The following STS variants were observed in gnomAD, a reference collection of about 807,000 sequenced individuals.
STS encodes steroid sulfatase.
A neutral mutation model predicts 26.8 loss-of-function variants in STS; 7 were observed. The observed-to-expected ratio is 0.26, with a 90% CI of 0.15 to 0.49. The LOEUF (loss-of-function observed/expected upper bound fraction) is 0.49. STS is among the 20% of genes least tolerant of loss of function. The pLI, the probability that STS is intolerant of heterozygous loss-of-function variation, is 0.98. For missense variants in STS, 434 were observed against 465.6 expected, an observed-to-expected ratio of 0.93 and a Z score of 0.63; for synonymous variants, 199 against 189.4, an observed-to-expected ratio of 1.05 and a Z score of -0.42.
chrX:7,223,834 A>G (rs1191781187), intron 2 of STS, among the ~76,000 whole-genome samples: 2 of 111,265 alleles, frequency 1.8e-5, no homozygotes, highest in East Asian at 5.6e-4. Context: ...CCAAGAGTGA[A>G]TTAGATATAT....
chrX:7,338,880 A>C (rs1316241118), intron 10 of STS, among the ~76,000 whole-genome samples: 2 of 111,654 alleles, frequency 1.8e-5, no homozygotes, highest in Admixed American at 1.9e-4. Flanking sequence ...ATATGCATCA[A>C]TAAAAAGTAA....
At chrX:7,229,078 G>A (rs1263382525) in intron 2 of STS, among the ~76,000 whole-genome samples, 1 of 112,384 alleles carries the variant, frequency 8.9e-6, no homozygotes, top group Non-Finnish European at 1.9e-5. Flanking sequence ...GGATATAGAT[G>A]AAATATCTAA....
At chrX:7,278,332 G>A (rs750097562) in intron 7 of STS, among the ~76,000 whole-genome samples, 44 of 112,064 alleles carry the variant, frequency 3.9e-4, no homozygotes, top group Admixed American at 7.6e-4. Context: ...AAAATAAAAG[G>A]GGGATATTTG....
At chrX:7,225,686 C>CGGAA (rs1282963323) in intron 2 of STS, among the ~76,000 whole-genome samples, 2 of 111,817 alleles carry the variant, frequency 1.8e-5, no homozygotes, top group East Asian at 5.6e-4. Context: ...GTGAGCCATT[C>CGGAA]TTGTTAATTC....
intron 2 of STS, among the ~76,000 whole-genome samples, chrX:7,232,808 G>A (rs1256047226): frequency 8.9e-6 from 1 of 112,043 alleles, no homozygotes; most frequent in African/African-American, 3.2e-5. Context: ...CACATGTTGG[G>A]AGAGGGACCT....
In STS at chrX:7,220,609, C is replaced by T. The variant is rs778990457; in HGVS notation, c.-5+29601C>T. 2.1e-4 allele frequency among the ~76,000 whole-genome samples: 20 copies of T among 94,549 alleles called. No homozygotes were observed. The East Asian group carries it at 3.0e-3, about 14-fold the overall frequency. The allele number at this position is 94,549 out of a possible 115,157, so 82.1% of individuals were successfully genotyped here. On this transcript the variant is annotated intron_variant, in intron 2 of 10. Coordinates refer to ENST00000674429, the MANE Select transcript of STS (RefSeq NM_001320752.2). Reference sequence around the variant, plus strand: ...TGTCTCCCAGGCTGCAGTGCAGTGGCGCGATCTCGGCTCACTGCAAGCTCC... The same window carrying T: ...TGTCTCCCAGGCTGCAGTGCAGTGGTGCGATCTCGGCTCACTGCAAGCTCC...
intron 8 of STS, among the ~76,000 whole-genome samples, chrX:7,311,818 C>G (rs1335182463): frequency 8.9e-6 from 1 of 112,059 alleles, no homozygotes; most frequent in Non-Finnish European, 1.9e-5. Flanking sequence ...CCACTGCACT[C>G]CAGGCTGGTC....
intron 6 of STS, among the ~76,000 whole-genome samples, chrX:7,260,562 T>C (rs1176295270): frequency 9.0e-6 from 1 of 111,384 alleles, no homozygotes; most frequent in East Asian, 2.8e-4. Context: ...CCTGCCACCA[T>C]GCCTGGCTAA....
intron 10 of STS, among the ~76,000 whole-genome samples, chrX:7,337,286 T>C (rs1357044194): frequency 8.9e-6 from 1 of 112,243 alleles, no homozygotes; most frequent in Non-Finnish European, 1.9e-5. Flanking sequence ...AGCGCTGGCA[T>C]CTGTCAGTGA....
chrX:7,267,813 A>G (rs138082095), intron 6 of STS, among the ~76,000 whole-genome samples: 1,312 of 111,891 alleles, frequency 0.012, 65 homozygotes, highest in Admixed American at 0.11. Context: ...TATATTAAAT[A>G]TATGTATGTA....
intron 10 of STS, among the ~76,000 whole-genome samples, chrX:7,338,686 A>T (rs1480635512): frequency 8.9e-6 from 1 of 111,861 alleles, no homozygotes; most frequent in South Asian, 3.7e-4. Flanking sequence ...CCAACAACAA[A>T]AAATAAATAA....
rs772999719 is a variant in STS at position 7,212,823 on chromosome X, T to C, written c.-5+21815T>C. Among the ~76,000 whole-genome samples the C allele has an allele frequency of 6.2e-5, 7 of 112,427 alleles. No individual in the cohort carries two copies. The South Asian group carries it at 2.6e-3, about 42-fold the overall frequency. ...ATGAAATTAAATTTTATGCTTGCTG[T>C]GTGTCTACAAATGCAGTTCCTGTTG... On this transcript the variant is annotated intron_variant, in intron 2 of 10. Transcript: ENST00000674429.
At chrX:7,276,986 C>G (rs1224524350) in intron 7 of STS, among the ~76,000 whole-genome samples, 2 of 111,506 alleles carry the variant, frequency 1.8e-5, no homozygotes, top group Non-Finnish European at 3.8e-5. Context: ...GGGATTACAC[C>G]TGGGGTCTCT....
intron 2 of STS, among the ~76,000 whole-genome samples, chrX:7,214,396 C>T (rs1215970621): frequency 8.9e-6 from 1 of 112,001 alleles, no homozygotes; most frequent in East Asian, 2.8e-4. Context: ...ACAGTTGAAA[C>T]TGGCTATCTA....
At chrX:7,166,210 G>A (rs1001351465) in intron 1 of STS, among the ~76,000 whole-genome samples, 1 of 110,706 alleles carries the variant, frequency 9.0e-6, no homozygotes, top group Non-Finnish European at 1.9e-5. Flanking sequence ...GTCTCATCAC[G>A]TTGCCCAGGC....
chrX:7,148,263 C>G (rs1376508362), intron 1 of STS, 180 bp downstream of exon 1: 6 of 305,593 alleles, frequency 2.0e-5, no homozygotes, highest in Non-Finnish European at 2.9e-5. Flanking sequence ...CGAGCCCGCG[C>G]GTCCTGGGCT....
chrX:7,171,028 G>A (rs1234911917), intron 1 of STS, among the ~76,000 whole-genome samples: 1 of 111,528 alleles, frequency 9.0e-6, no homozygotes. Flanking sequence ...GGGATATGCA[G>A]GGTCATATGA....
At chrX:7,311,319 A>C (rs1427476734) in intron 8 of STS, among the ~76,000 whole-genome samples, 1 of 111,034 alleles carries the variant, frequency 9.0e-6, no homozygotes, top group East Asian at 2.9e-4. Flanking sequence ...CTGAGGACTG[A>C]CATAACTGTT....
At chrX:7,267,819 A>G (rs1246749957) in intron 6 of STS, among the ~76,000 whole-genome samples, 1 of 112,009 alleles carries the variant, frequency 8.9e-6, no homozygotes, top group East Asian at 2.8e-4. Context: ...AAATATATGT[A>G]TGTATATTTT....
Sources: gnomAD v4.1 joint callset for allele counts (sites outside exome capture counted in the v4.1 genomes callset) on GRCh38, gnomAD v4.1.1 for gene constraint, MANE v1.5 for transcripts, NCBI Gene and HGNC (gene_info 2026-07-23, HGNC 2026-07-21) for gene names.